Variants in MPDZ observed in about 807,000 individuals in gnomAD.
MPDZ encodes multiple PDZ domain crumbs cell polarity complex component.
MPDZ carries 234 observed loss-of-function variants against 239.1 expected under a neutral mutation model. The observed-to-expected ratio is 0.98, with a 90% CI of 0.88 to 1.09. The LOEUF is 1.09. Among genes scored for constraint, MPDZ ranks in the 50% least tolerant of loss-of-function variants. The probability of loss-of-function intolerance (pLI) is 0.00; values close to 1 mark genes in which losing one functional copy is unlikely to be tolerated. For missense variants in MPDZ, 3,175 were observed against 2,510.0 expected (o/e 1.26, Z -5.66); for synonymous variants, 1,048 against 881.3 (o/e 1.19, Z -3.35).
chr9:13,142,947 G>A (rs951869177), intron 27 of MPDZ, among the ~76,000 whole-genome samples: 8 of 151,998 alleles, frequency 5.3e-5, no homozygotes, highest in African/African-American at 1.7e-4. Flanking sequence ...ATAGATTTAC[G>A]AGCATTGAAA....
chr9:13,164,036 T>C (rs967168775), intron 22 of MPDZ, among the ~76,000 whole-genome samples: 5 of 152,174 alleles, frequency 3.3e-5, no homozygotes, highest in African/African-American at 1.2e-4. Context: ...GATGTCACTT[T>C]TGTGAAGCTA....
chr9:13,186,389 G>A lies in MPDZ; in HGVS notation c.2365-3C>T. ...ACATAACCTTCTTCTGGTGAAAGCT[G>A]CAGGGAAAAAATGGTATTCATGGAA... On this transcript the variant is annotated splice_polypyrimidine_tract_variant and splice_region_variant and intron_variant, in intron 17 of 46. Coordinates refer to ENST00000319217, the MANE Select transcript of MPDZ (RefSeq NM_001378778.1). The A allele has an allele frequency of 6.5e-7, 1 of 1,545,666 alleles. No homozygotes were observed. The highest frequency in any genetic ancestry group is 8.8e-7 in the Non-Finnish European group (1 of 1,137,032).
intron 27 of MPDZ, among the ~76,000 whole-genome samples, chr9:13,141,591 AT>A (rs1947693370): frequency 6.6e-6 from 1 of 152,144 alleles, no homozygotes; most frequent in African/African-American, 2.4e-5. Context: ...ATCTAGAAAA[AT>A]ATTATGATTT....
chr9:13,150,804 A>G (rs1455589774), intron 24 of MPDZ, 116 bp from the exon 25 acceptor site: 1 of 613,948 alleles, frequency 1.6e-6, no homozygotes, highest in African/African-American at 1.9e-5. Flanking sequence ...AGAACAAAAG[A>G]AAAAATAGAT....
At chr9:13,214,876 T>G (rs1327168474) in intron 10 of MPDZ, among the ~76,000 whole-genome samples, 2 of 109,584 alleles carry the variant, frequency 1.8e-5, no homozygotes, top group African/African-American at 3.5e-5. Flanking sequence ...GGTGAACAGG[T>G]GTAGGTAGGA....
At chr9:13,168,921 A>G (rs1403717471) in intron 21 of MPDZ, among the ~76,000 whole-genome samples, 1 of 152,162 alleles carries the variant, frequency 6.6e-6, no homozygotes, top group Non-Finnish European at 1.5e-5. Context: ...TTTTACACAT[A>G]AAAGAGAATA....
Position 13,136,746 on chromosome 9 carries a change from A to C in MPDZ, c.4258T>G (p.Cys1420Gly), listed in dbSNP as rs1946876684. ...SHQNASSIIK[C>G]APSKVKIIFI... is the part of the protein sequence containing the mutation. ...ATTATTTTCACTTTAGAAGGGGCAC[A>C]TTTAATGATTGATGAGGCATTCTGA... The change falls in exon 30 of 47, where the codon TGT becomes GGT. Residue 1420 changes from cysteine to glycine, a missense_variant. Transcript: ENST00000319217. 4 of 1,602,386 alleles carry C rather than the reference A, an allele frequency of 2.5e-6. No individual in the cohort carries two copies. In the Admixed American group the frequency reaches 6.8e-5, roughly 27 times the overall value.
intron 13 of MPDZ, among the ~76,000 whole-genome samples, chr9:13,193,853 G>A (rs1489317062): frequency 6.6e-6 from 1 of 152,114 alleles, no homozygotes; most frequent in Non-Finnish European, 1.5e-5. Flanking sequence ...ATTAAAATCA[G>A]AATGTATGCC....
intron 34 of MPDZ, 119 bp from the exon 35 acceptor site, chr9:13,125,509 G>T: frequency 2.3e-6 from 2 of 870,466 alleles, no homozygotes; most frequent in African/African-American, 1.7e-5. Context: ...AGGGACAGAT[G>T]CAAATTATTT....
intron 9 of MPDZ, 130 bp from the exon 10 acceptor site, chr9:13,216,992 G>T: frequency 2.5e-6 from 2 of 798,592 alleles, no homozygotes; most frequent in South Asian, 1.8e-5. Context: ...ACAGGCTAAA[G>T]AATAAGATAA....
intron 21 of MPDZ, among the ~76,000 whole-genome samples, chr9:13,173,375 T>C (rs1012017969): frequency 6.6e-6 from 1 of 152,128 alleles, no homozygotes; most frequent in Non-Finnish European, 1.5e-5. Flanking sequence ...AAGAAATGCT[T>C]TGACAAAATT....
At chr9:13,140,767 G>C (rs930876367) in intron 27 of MPDZ, 1 of 150,868 alleles carries the variant, frequency 6.6e-6, no homozygotes, top group African/African-American at 2.4e-5. Context: ...AGAAACTGCA[G>C]AAAAAAAAAT....
rs192712853 is a variant in MPDZ, at chr9:13,201,951, C to T, written c.1546+3085G>A. Among the ~76,000 whole-genome samples, 152 of 152,248 alleles carry T rather than the reference C, an allele frequency of 1.0e-3. 3 individuals are homozygous for T. The highest frequency in any genetic ancestry group is 3.1e-4 in the Non-Finnish European group (21 of 68,024). On this transcript the variant is annotated intron_variant, in intron 12 of 46. Coordinates refer to ENST00000319217, the MANE Select transcript of MPDZ (RefSeq NM_001378778.1). ...ATTTTCTGTACAACATTTCATAGAT[C>T]TTCAATTCTTCTGCGTCCATTGCTG...
intron 3 of MPDZ, among the ~76,000 whole-genome samples, chr9:13,244,212 G>A (rs1966067352): frequency 6.6e-6 from 1 of 152,132 alleles, no homozygotes. Context: ...ATACTGGACT[G>A]GAGAAACTTC....
At chr9:13,186,675 TA>T (rs1328254773) in intron 17 of MPDZ, among the ~76,000 whole-genome samples, 10 of 151,952 alleles carry the variant, frequency 6.6e-5, no homozygotes, top group Non-Finnish European at 1.2e-4. Context: ...AGAATTTTTT[TA>T]AATGAATTTT....
At chr9:13,221,648 G>T in intron 6 of MPDZ, 148 bp from the exon 7 acceptor site, 1 of 744,982 alleles carries the variant, frequency 1.3e-6, no homozygotes, top group Non-Finnish European at 2.0e-6. Flanking sequence ...CCTTTCATTT[G>T]GTATACTTCC....
chr9:13,178,435 G>C (rs1024314075), intron 19 of MPDZ, among the ~76,000 whole-genome samples: 11 of 152,014 alleles, frequency 7.2e-5, no homozygotes, highest in African/African-American at 1.9e-4. Context: ...AATTATCAAG[G>C]ATAAGCCATT....
chr9:13,107,408 G>A (rs1380412045), intron 46 of MPDZ, among the ~76,000 whole-genome samples: 2 of 152,130 alleles, frequency 1.3e-5, no homozygotes, highest in Non-Finnish European at 2.9e-5. Flanking sequence ...AATTAATAAA[G>A]AATATTTGGG....
chr9:13,242,360 G>A (rs371167574), intron 3 of MPDZ, among the ~76,000 whole-genome samples: 14 of 151,016 alleles, frequency 9.3e-5, no homozygotes, highest in East Asian at 3.9e-4. Context: ...CCAGTAGCTG[G>A]GATTACAGGC....
Sources: gnomAD v4.1 joint callset for allele counts (sites outside exome capture counted in the v4.1 genomes callset) on GRCh38, gnomAD v4.1.1 for gene constraint, MANE v1.5 for transcripts, NCBI Gene and HGNC (gene_info 2026-07-23, HGNC 2026-07-21) for gene names.